The following NUP133 variants were observed in gnomAD, a reference collection of about 807,000 sequenced individuals.
NUP133 encodes nuclear pore complex protein Nup133.
A neutral mutation model predicts 146.2 loss-of-function variants in NUP133; 66 were observed. The observed-to-expected ratio is 0.45, with a 90% CI of 0.37 to 0.55. NUP133 has a LOEUF of 0.55. Among genes scored for constraint, NUP133 ranks in the 20% least tolerant of loss-of-function variants. The probability of loss-of-function intolerance (pLI) is 0.00; values close to 1 mark genes in which losing one functional copy is unlikely to be tolerated. For missense variants in NUP133, 1,277 were observed against 1,374.8 expected, an observed-to-expected ratio of 0.93 and a Z score of 1.12; for synonymous variants, 521 against 498.8, an observed-to-expected ratio of 1.04 and a Z score of -0.59.
chr1:229,508,170 G>A lies in NUP133; in HGVS notation c.80C>T (p.Ser27Phe), dbSNP rs745951330. The A allele has an allele frequency of 1.4e-5, 22 of 1,591,880 alleles. No individual in the cohort carries two copies. Among genetic ancestry groups the A allele is most frequent in the Non-Finnish European group, 1.5e-5 (18 of 1,170,844 alleles). The change falls in exon 1 of 26, where the codon TCC becomes TTC. Residue 27 changes from serine (S) to phenylalanine (F), a missense_variant. Ser to Phe is a radical substitution (Grantham distance 155, BLOSUM62 -2). Transcript: ENST00000261396. ...CTTCCTGCTAGCCGTCCGGGGCGTG[G>A]AGCCGGGCCCGAGTCCGGCCAGCGG... The part of the protein sequence containing the change: ...RGPLAGLGPG[S>F]TPRTASRKGL...
chr1:229,504,896 A>G (rs144709178), intron 2 of NUP133, among the ~76,000 whole-genome samples: 3 of 152,142 alleles, frequency 2.0e-5, no homozygotes, highest in Admixed American at 6.5e-5. Context: ...TTGTGAATCA[A>G]CCCTTTGTGC....
At chr1:229,478,327 A>G (rs1259389325) in intron 12 of NUP133, among the ~76,000 whole-genome samples, 2 of 151,858 alleles carry the variant, frequency 1.3e-5, no homozygotes, top group Non-Finnish European at 3.0e-5. Context: ...CTGGACACAG[A>G]AAGATAAAAA....
intron 24 of NUP133, among the ~76,000 whole-genome samples, chr1:229,447,234 T>C (rs926384328): frequency 6.6e-6 from 1 of 152,236 alleles, no homozygotes; most frequent in Non-Finnish European, 1.5e-5. Flanking sequence ...CTTTAGGCTA[T>C]TCTTGCTATT....
rs147479802 is a variant in NUP133, at chr1:229,473,091, C to A, written c.1852-2287G>T. 2.4e-3 allele frequency among the ~76,000 whole-genome samples: 357 copies of A among 151,872 alleles called. 8 individuals carry two copies. In the East Asian group the frequency reaches 0.055, roughly 23 times the overall value. On this transcript the variant is annotated intron_variant, in intron 14 of 25. Coordinates refer to ENST00000261396, the MANE Select transcript of NUP133 (RefSeq NM_018230.3). ...ACATTATGAGACCCTGTCTCTACAG[C>A]AAATAAAAAAATTAGCCGGGCGTGG...
rs1661646900 is a variant in NUP133 at position 229,496,036 on chromosome 1, A to C, written c.831T>G (p.Val277=). 2.5e-6 allele frequency: 4 copies of C among 1,583,274 alleles called. No individual in the cohort carries two copies. The African/African-American group carries it at 5.5e-5, about 22-fold the overall frequency. Residue 277 remains valine (V), a synonymous_variant, in exon 7 of 26, where the codon GTT becomes GTG. Transcript: ENST00000261396. ...SPSSDLTLSS[V]LWDRERSSFY... is the part of the protein sequence containing the mutation. Reference sequence around the variant, plus strand: ...AGCTTGATCTCTCTCTATCCCAGAGAACACTTGAAAGCTATTCAGAAAAGA... The same window carrying C: ...AGCTTGATCTCTCTCTATCCCAGAGCACACTTGAAAGCTATTCAGAAAAGA...
rs1328917208 is a variant in NUP133, at chr1:229,501,986, A to G, written c.405+13T>C. 11 of 1,571,294 alleles carry G rather than the reference A, an allele frequency of 7.0e-6. No individual in the cohort carries two copies. Among genetic ancestry groups the G allele is most frequent in the African/African-American group, 1.4e-5 (1 of 74,024 alleles). On this transcript the variant is annotated intron_variant, in intron 3 of 25. Transcript: ENST00000261396. ...CTCCTCTATCTTGTTCCAGCTCTCT[A>G]AAGAGCCATTACCTTAGTAATAGGT...
intron 2 of NUP133, among the ~76,000 whole-genome samples, chr1:229,504,838 T>C (rs1250640907): frequency 6.6e-6 from 1 of 152,194 alleles, no homozygotes; most frequent in Non-Finnish European, 1.5e-5. Context: ...GTAAATTGCA[T>C]GCTGTTCTGG....
At chr1:229,442,064 C>A in intron 25 of NUP133, 24 bp from the exon 26 acceptor site, 2 of 1,537,782 alleles carry the variant, frequency 1.3e-6, no homozygotes, top group South Asian at 2.6e-5. Flanking sequence ...CACAAGAAGT[C>A]ATTTTTCAAT....
intron 21 of NUP133, among the ~76,000 whole-genome samples, chr1:229,456,772 T>C (rs1455819104): frequency 6.6e-6 from 1 of 151,730 alleles, no homozygotes; most frequent in Non-Finnish European, 1.5e-5. Context: ...ATTTTATATA[T>C]ACACACACAC....
At chr1:229,449,851 T>TTTTATATATATATA (rs1660401232) in intron 23 of NUP133, among the ~76,000 whole-genome samples, 1 of 67,624 alleles carries the variant, frequency 1.5e-5, no homozygotes, top group Non-Finnish European at 2.7e-5. Context: ...TATGAAGATT[T>TTTTATATATATATA]TATATATATA....
intron 24 of NUP133, among the ~76,000 whole-genome samples, chr1:229,446,372 G>A (rs1352891517): frequency 6.6e-6 from 1 of 151,890 alleles, no homozygotes; most frequent in Non-Finnish European, 1.5e-5. Context: ...TTGAGCCACT[G>A]CACTCCAGCC....
At chr1:229,470,975 G>A (rs1660942649) in intron 14 of NUP133, among the ~76,000 whole-genome samples, 171 bp from the exon 15 acceptor site, 1 of 152,090 alleles carries the variant, frequency 6.6e-6, no homozygotes, top group African/African-American at 2.4e-5. Context: ...AGACACTTCA[G>A]CCAGGCCATT....
At chr1:229,448,540 T>C (rs1571904368) in intron 24 of NUP133, among the ~76,000 whole-genome samples, 1 of 152,304 alleles carries the variant, frequency 6.6e-6, no homozygotes, top group South Asian at 2.1e-4. Context: ...GTTTAGCACA[T>C]AATCAACAAA....
chr1:229,466,098 T>C (rs1212288058), intron 16 of NUP133, among the ~76,000 whole-genome samples: 1 of 152,080 alleles, frequency 6.6e-6, no homozygotes, highest in Non-Finnish European at 1.5e-5. Flanking sequence ...AAATGGAACG[T>C]TTTAGTCAAT....
At chr1:229,502,950 T>C (rs1055991695) in intron 2 of NUP133, among the ~76,000 whole-genome samples, 1 of 151,796 alleles carries the variant, frequency 6.6e-6, no homozygotes, top group African/African-American at 2.4e-5. Flanking sequence ...CAAGACTCCA[T>C]ATCAAAAAAT....
chr1:229,486,623 T>C (rs2102774717), intron 10 of NUP133, 95 bp from the exon 11 acceptor site: 2 of 1,189,702 alleles, frequency 1.7e-6, no homozygotes, highest in East Asian at 5.3e-5. Flanking sequence ...ATCTTGATGA[T>C]ATATTAAGCA....
At chr1:229,463,180 G>A (rs1022012060) in intron 19 of NUP133, among the ~76,000 whole-genome samples, 2 of 152,148 alleles carry the variant, frequency 1.3e-5, no homozygotes, top group African/African-American at 4.8e-5. Flanking sequence ...CTTGAGCCCA[G>A]GAGTTTGAGA....
intron 8 of NUP133, among the ~76,000 whole-genome samples, chr1:229,494,220 G>A (rs1238989791): frequency 6.6e-6 from 1 of 152,138 alleles, no homozygotes; most frequent in Admixed American, 6.6e-5. Context: ...CAAAAGTCTG[G>A]TAAAGACAAA....
At position 229,505,434 on chromosome 1, in the gene NUP133, T is replaced by C. The variant is rs556067822; in HGVS notation, c.301+606A>G. Among the ~76,000 whole-genome samples the C allele has an allele frequency of 2.0e-5, 3 of 152,138 alleles. No homozygotes were observed. In the South Asian group the frequency reaches 6.2e-4, roughly 32 times the overall value. On this transcript the variant is annotated intron_variant, in intron 2 of 25. Transcript: ENST00000261396. ...CAAGGTTTCAGGCATCCACTGGGGA[T>C]CCTGGAAGATATCCCCCAAAGATAA...
Sources: allele counts gnomAD v4.1 joint callset (sites outside exome capture counted in the v4.1 genomes callset), GRCh38; gene constraint gnomAD v4.1.1; transcripts MANE v1.5; gene names NCBI Gene and HGNC (gene_info 2026-07-23, HGNC 2026-07-21).